ABCG2: variants seen among roughly 807,000 people sequenced by gnomAD.
The protein encoded by ABCG2 is ATP binding cassette subfamily G member 2 (JR blood group).
In ABCG2, 80 loss-of-function variants were observed where a neutral mutation model predicts 73.5. The ratio of observed to expected loss-of-function variants is 1.09; its 90% CI spans 0.91 to 1.31. ABCG2 has a LOEUF of 1.31. Among genes scored for constraint, ABCG2 ranks in the 50% most tolerant of loss-of-function variants. ABCG2 has a pLI of 0.00. For missense variants in ABCG2, 796 were observed against 786.2 expected (o/e 1.01, Z -0.15); for synonymous variants, 269 against 282.4 (o/e 0.95, Z 0.48).
chr4:88,138,801 T>C (rs1345318297), intron 2 of ABCG2, among the ~76,000 whole-genome samples: 2 of 152,162 alleles, frequency 1.3e-5, no homozygotes, highest in Admixed American at 1.3e-4. Flanking sequence ...ACAGTTCTAT[T>C]CATGCAGTAA....
intron 1 of ABCG2, among the ~76,000 whole-genome samples, chr4:88,174,137 A>G (rs1727862246): frequency 6.6e-6 from 1 of 150,730 alleles, no homozygotes; most frequent in South Asian, 2.1e-4. Flanking sequence ...CCTTAATCCA[A>G]CCTGACTGGT....
chr4:88,181,154 C>T (rs1728218351), intron 1 of ABCG2, among the ~76,000 whole-genome samples: 2 of 152,074 alleles, frequency 1.3e-5, no homozygotes, highest in African/African-American at 4.8e-5. Flanking sequence ...GTAATCCCAG[C>T]ACTTTGGGAG....
intron 1 of ABCG2, among the ~76,000 whole-genome samples, chr4:88,165,884 A>G (rs541089160): frequency 9.9e-5 from 15 of 152,134 alleles, no homozygotes; most frequent in African/African-American, 2.7e-4. Flanking sequence ...AAAAAAAAAA[A>G]AGAGAGAGAG....
chr4:88,194,864 A>G (rs1054351292), intron 1 of ABCG2, among the ~76,000 whole-genome samples: 2 of 152,190 alleles, frequency 1.3e-5, no homozygotes, highest in East Asian at 1.9e-4. Flanking sequence ...GGGGAGCCCG[A>G]TGGTGTAAGG....
chr4:88,101,392 T>C (rs1722407005), intron 10 of ABCG2, 73 bp from the exon 11 acceptor site: 1 of 1,321,078 alleles, frequency 7.6e-7, no homozygotes, highest in Admixed American at 1.7e-5. Flanking sequence ...CCCACAAAAC[T>C]CTTTCCACAA....
chr4:88,224,165 C>A (rs954926500), intron 1 of ABCG2, among the ~76,000 whole-genome samples: 1 of 152,114 alleles, frequency 6.6e-6, no homozygotes, highest in African/African-American at 2.4e-5. Flanking sequence ...TTGAAAGTGT[C>A]TAGACTGGGC....
intron 5 of ABCG2, among the ~76,000 whole-genome samples, chr4:88,124,316 T>C (rs546315020): frequency 7.2e-5 from 11 of 152,176 alleles, no homozygotes; most frequent in Non-Finnish European, 1.6e-4. Flanking sequence ...CATAACAATA[T>C]TAACCTGAAA....
intron 1 of ABCG2, among the ~76,000 whole-genome samples, chr4:88,229,072 A>G (rs1030182682): frequency 6.6e-6 from 1 of 152,170 alleles, no homozygotes; most frequent in South Asian, 2.1e-4. Flanking sequence ...CCCCTTCCAC[A>G]CTGTGAAAGC....
chr4:88,122,526 C>T (rs1221787522), intron 5 of ABCG2, among the ~76,000 whole-genome samples: 1 of 152,174 alleles, frequency 6.6e-6, no homozygotes, highest in Non-Finnish European at 1.5e-5. Flanking sequence ...TAGGCCCTCA[C>T]AGTGTAAACA....
intron 1 of ABCG2, among the ~76,000 whole-genome samples, chr4:88,222,566 G>A (rs1730050960): frequency 6.6e-6 from 1 of 152,178 alleles, no homozygotes; most frequent in South Asian, 2.1e-4. Context: ...CATGATTGAG[G>A]CTCCCCCACC....
intron 7 of ABCG2, among the ~76,000 whole-genome samples, 174 bp from the exon 8 acceptor site, chr4:88,115,232 G>GTCTCTCTCTCTCTCTCTCTCTC (rs201460174): frequency 3.5e-5 from 1 of 28,970 alleles, no homozygotes; most frequent in African/African-American, 1.4e-4. Flanking sequence ...TATATATTCA[G>GTCTCTCTCTCTCTCTCTCTCTC]TCTCTCTCTC....
intron 1 of ABCG2, among the ~76,000 whole-genome samples, chr4:88,214,328 C>T (rs1387140828): frequency 1.3e-5 from 2 of 151,996 alleles, no homozygotes; most frequent in African/African-American, 4.8e-5. Flanking sequence ...CCACATCTTC[C>T]AACTACTGCT....
intron 2 of ABCG2, among the ~76,000 whole-genome samples, chr4:88,134,072 C>T (rs942184187): frequency 3.3e-5 from 5 of 151,796 alleles, no homozygotes; most frequent in African/African-American, 1.2e-4. Flanking sequence ...ACACAGGTAT[C>T]TATGCCCATT....
chr4:88,092,459 A>T (rs1721701117), intron 15 of ABCG2, 78 bp from the exon 16 acceptor site: 1 of 1,443,018 alleles, frequency 6.9e-7, no homozygotes, highest in African/African-American at 1.4e-5. Context: ...ACTGTTCCTT[A>T]AAGGAGCCTA....
At position 88,097,481 on chromosome 4, in the gene ABCG2, A is replaced by G. The variant is rs1722063442; in HGVS notation, c.1619T>C (p.Leu540Pro). ...CATAAACACAAAACAGATGGTCATGAGAAGTGTTGCTACAGAAACCACACT... is the reference window on the plus strand; with the variant it reads ...CATAAACACAAAACAGATGGTCATGGGAAGTGTTGCTACAGAAACCACACT... ...GQSVVSVATL[L>P]MTICFVFMMI... The change falls in exon 13 of 16, where the codon CTC becomes CCC. Residue 540 changes from leucine to proline, a missense_variant. Coordinates refer to ENST00000237612, the MANE Select transcript of ABCG2 (RefSeq NM_004827.3). 2 of 1,614,058 alleles carry G rather than the reference A, an allele frequency of 1.2e-6. No homozygotes were observed. Among genetic ancestry groups the G allele is most frequent in the South Asian group, 1.1e-5 (1 of 91,084 alleles).
intron 1 of ABCG2, among the ~76,000 whole-genome samples, 158 bp from the exon 2 acceptor site, chr4:88,140,172 A>G (rs1725534676): frequency 6.6e-6 from 1 of 152,218 alleles, no homozygotes; most frequent in African/African-American, 2.4e-5. Context: ...AGAACATCCT[A>G]AAAACCTAAA....
chr4:88,196,509 T>C (rs1268656326), intron 1 of ABCG2, among the ~76,000 whole-genome samples: 1 of 152,156 alleles, frequency 6.6e-6, no homozygotes, highest in Non-Finnish European at 1.5e-5. Context: ...CACAAGGATT[T>C]TCCATTATTT....
At position 88,102,595 on chromosome 4, in the gene ABCG2, CA is replaced by C. The variant is rs11373616; in HGVS notation, c.1278-1277del. Among the ~76,000 whole-genome samples the C allele has an allele frequency of 4.9e-3, 682 of 137,898 alleles. 6 individuals carry two copies. Among genetic ancestry groups the C allele is most frequent in the African/African-American group, 0.019 (659 of 35,520 alleles). The allele number at this position is 137,898 out of a possible 152,430, so 90.5% of individuals were successfully genotyped here. ...TGGGTGACAGAGCGAGACACTGTCTCAAAAAAAAAAAAATTAAAAAATAAAT... is the reference window on the plus strand; with the variant it reads ...TGGGTGACAGAGCGAGACACTGTCTCAAAAAAAAAAAATTAAAAAATAAAT... On this transcript the variant is annotated intron_variant, in intron 10 of 15. Coordinates refer to ENST00000237612, the MANE Select transcript of ABCG2 (RefSeq NM_004827.3).
At chr4:88,098,206 G>A (rs937971585) in intron 12 of ABCG2, among the ~76,000 whole-genome samples, 2 of 152,338 alleles carry the variant, frequency 1.3e-5, no homozygotes, top group East Asian at 1.9e-4. Context: ...CAACAATCAG[G>A]AGTCTGGAGA....
Sources: allele counts gnomAD v4.1 joint callset (sites outside exome capture counted in the v4.1 genomes callset), GRCh38; gene constraint gnomAD v4.1.1; transcripts MANE v1.5; gene names NCBI Gene and HGNC (gene_info 2026-07-23, HGNC 2026-07-21).